EFCAB3: variants seen among roughly 807,000 people sequenced by gnomAD.
EFCAB3 encodes EF-hand calcium-binding domain-containing protein 3.
A neutral mutation model predicts 42.2 loss-of-function variants in EFCAB3; 36 were observed. That is an observed-to-expected ratio of 0.85 (90% CI 0.65 to 1.13). The LOEUF (loss-of-function observed/expected upper bound fraction) is 1.13, where lower values mean the gene tolerates loss of function less well. EFCAB3 is among the 50% of genes most tolerant of loss of function. The pLI is 0.00. For missense variants in EFCAB3, 418 were observed against 505.1 expected (o/e 0.83, Z 1.65); for synonymous variants, 170 against 172.8 (o/e 0.98, Z 0.13).
In EFCAB3 at chr17:62,391,931, T is replaced by C. The variant is rs1277587471; in HGVS notation, c.261T>C (p.Asp87=). 3.1e-6 allele frequency: 5 copies of C among 1,611,650 alleles called. No individual in the cohort carries two copies. ...AKLGMNLTKH[D]VYNELKCADI... is the part of the protein sequence containing the mutation. The stretch of plus-strand genomic sequence containing the variant: ...TGGGAATGAATCTGACCAAGCATGA[T>C]GTCTATAATGAATTGAAATGTGCTG... Residue 87 remains aspartate (D), a synonymous_variant, in exon 4 of 10, where the codon GAT becomes GAC. Coordinates refer to ENST00000305286, the MANE Select transcript of EFCAB3 (RefSeq NM_173503.4).
At chr17:62,407,947 A>G (rs565183793) in intron 8 of EFCAB3, among the ~76,000 whole-genome samples, 2 of 152,348 alleles carry the variant, frequency 1.3e-5, no homozygotes, top group East Asian at 3.9e-4. Flanking sequence ...CATAGAGTTT[A>G]AGAGGCCCAG....
At chr17:62,371,320 T>C (rs1972606) in intron 1 of EFCAB3, among the ~76,000 whole-genome samples, 132,297 of 151,922 alleles carry the variant, frequency 0.87, 57,734 homozygotes, top group Admixed American at 0.91. Context: ...TTTGGGAGGC[T>C]GAGGCGGGTG....
At chr17:62,395,832 G>A (rs1236156943) in intron 6 of EFCAB3, among the ~76,000 whole-genome samples, 1 of 151,964 alleles carries the variant, frequency 6.6e-6, no homozygotes, top group East Asian at 1.9e-4. Context: ...GCTATTATCA[G>A]TCTTTTCAAT....
intron 2 of EFCAB3, among the ~76,000 whole-genome samples, chr17:62,384,935 C>T (rs2070235548): frequency 6.6e-6 from 1 of 152,166 alleles, no homozygotes; most frequent in African/African-American, 2.4e-5. Context: ...CTTTGTGCTA[C>T]ATGAGTTTGC....
chr17:62,387,234 A>C (rs950501154), intron 2 of EFCAB3, 106 bp from the exon 3 acceptor site: 4 of 765,830 alleles, frequency 5.2e-6, no homozygotes, highest in Non-Finnish European at 4.2e-6. Flanking sequence ...GACTGGATAC[A>C]TTGAGATGCT....
chr17:62,402,350 G>T (rs1285380921), intron 6 of EFCAB3, among the ~76,000 whole-genome samples: 2 of 152,100 alleles, frequency 1.3e-5, no homozygotes, highest in African/African-American at 4.8e-5. Context: ...GTGAGAGAGG[G>T]CATCCCTGTC....
intron 7 of EFCAB3, 126 bp downstream of exon 7, chr17:62,406,799 C>G: frequency 9.8e-7 from 1 of 1,021,322 alleles, no homozygotes; most frequent in South Asian, 1.7e-5. Flanking sequence ...TGACCACTCT[C>G]TGTCACATAG....
upstream of EFCAB3, among the ~76,000 whole-genome samples, chr17:62,376,334 T>G (rs1249940320): frequency 6.6e-6 from 1 of 151,986 alleles, no homozygotes; most frequent in Non-Finnish European, 1.5e-5. Flanking sequence ...TAGCCAGGCT[T>G]GGTGGCACAC....
At chr17:62,405,516 G>C (rs923480683) in intron 6 of EFCAB3, among the ~76,000 whole-genome samples, 1 of 152,214 alleles carries the variant, frequency 6.6e-6, no homozygotes, top group Non-Finnish European at 1.5e-5. Flanking sequence ...CTTCTGCCCA[G>C]AACACTGAGA....
At chr17:62,383,482 T>A (rs908383037) in intron 2 of EFCAB3, among the ~76,000 whole-genome samples, 1 of 151,904 alleles carries the variant, frequency 6.6e-6, no homozygotes, top group Non-Finnish European at 1.5e-5. Flanking sequence ...CAAAAAAAAA[T>A]TACTAATATA....
chr17:62,401,656 T>G (rs8075914), intron 6 of EFCAB3, among the ~76,000 whole-genome samples: 2,209 of 152,336 alleles, frequency 0.015, 55 homozygotes, highest in African/African-American at 0.05. Flanking sequence ...ATATCTCTGT[T>G]TTGGTACCAG....
intron 1 of EFCAB3, among the ~76,000 whole-genome samples, chr17:62,372,260 C>G (rs2070119605): frequency 6.6e-6 from 1 of 152,074 alleles, no homozygotes; most frequent in Non-Finnish European, 1.5e-5. Flanking sequence ...CTTCTCTCTT[C>G]AGTTGAAGAG....
chr17:62,394,312 TA>T (rs556793182), intron 5 of EFCAB3, among the ~76,000 whole-genome samples: 1 of 151,982 alleles, frequency 6.6e-6, no homozygotes, highest in Non-Finnish European at 1.5e-5. Context: ...TCCTTTTATT[TA>T]AAAAAAATTT....
chr17:62,393,661 T>G lies in EFCAB3; in HGVS notation c.367+17T>G, dbSNP rs2144082360. ...AGGCAGTGGGTGAGTAGAGATGTTA[T>G]GAACAGAAGGCAGTTGGGCAGCTAC... On this transcript the variant is annotated intron_variant, in intron 5 of 9. Transcript: ENST00000305286. 2 of 1,610,480 alleles carry G rather than the reference T, an allele frequency of 1.2e-6. No homozygotes were observed. Among genetic ancestry groups the G allele is most frequent in the East Asian group, 4.5e-5 (2 of 44,856 alleles).
At chr17:62,379,659 G>A (rs2070179756), upstream of EFCAB3, among the ~76,000 whole-genome samples, 2 of 152,078 alleles carry the variant, frequency 1.3e-5, no homozygotes, top group African/African-American at 4.8e-5. Context: ...GAAACCTGAA[G>A]CACTTTTAGG....
At chr17:62,372,747 A>G (rs1461297825) in intron 1 of EFCAB3, among the ~76,000 whole-genome samples, 2 of 152,146 alleles carry the variant, frequency 1.3e-5, no homozygotes, top group African/African-American at 4.8e-5. Flanking sequence ...CAACCTTTAC[A>G]TAGCAATGGT....
upstream of EFCAB3, among the ~76,000 whole-genome samples, chr17:62,378,939 G>A (rs2070173056): frequency 6.6e-6 from 1 of 152,012 alleles, no homozygotes; most frequent in Admixed American, 6.6e-5. Context: ...AAAAAATGTG[G>A]TGGGTTGGGG....
At chr17:62,383,662 C>T (rs893255721) in intron 2 of EFCAB3, among the ~76,000 whole-genome samples, 36 of 152,060 alleles carry the variant, frequency 2.4e-4, no homozygotes, top group Non-Finnish European at 3.1e-4. Flanking sequence ...TCCCTCCTGT[C>T]CTCCCAAAGG....
At chr17:62,408,163 T>G (rs924961228) in intron 8 of EFCAB3, among the ~76,000 whole-genome samples, 4 of 152,238 alleles carry the variant, frequency 2.6e-5, no homozygotes, top group Admixed American at 6.5e-5. Context: ...ATAACATTCA[T>G]GTACACAAGG....
Sources: allele counts gnomAD v4.1 joint callset (sites outside exome capture counted in the v4.1 genomes callset), GRCh38; gene constraint gnomAD v4.1.1; transcripts MANE v1.5; gene names NCBI Gene and HGNC (gene_info 2026-07-23, HGNC 2026-07-21).